TIPIN: variants seen among roughly 807,000 people sequenced by gnomAD.
The protein encoded by TIPIN is TIMELESS interacting protein.
A neutral mutation model predicts 35.6 loss-of-function variants in TIPIN; 29 were observed. The ratio of observed to expected loss-of-function variants is 0.82; its 90% confidence interval spans 0.61 to 1.11. TIPIN has a LOEUF of 1.11. Ranked by LOEUF, TIPIN falls within the 50% of genes most tolerant of loss-of-function variation. The pLI, the probability that TIPIN is intolerant of heterozygous loss-of-function variation, is 0.00. For missense variants in TIPIN, 296 were observed against 345.4 expected (o/e 0.86, Z 1.13); for synonymous variants, 102 against 121.5 (o/e 0.84, Z 1.06).
At chr15:66,346,966 T>A (rs962175246) in intron 6 of TIPIN, among the ~76,000 whole-genome samples, 1 of 152,000 alleles carries the variant, frequency 6.6e-6, no homozygotes, top group Non-Finnish European at 1.5e-5. Context: ...TAATTTTTTT[T>A]ATTATTTTTT....
chr15:66,381,253 T>C (rs2093317435), intron 1 of TIPIN, among the ~76,000 whole-genome samples: 1 of 152,118 alleles, frequency 6.6e-6, no homozygotes, highest in Non-Finnish European at 1.5e-5. Flanking sequence ...CTGCCCAACA[T>C]GGCGAAACCC....
intron 1 of TIPIN, among the ~76,000 whole-genome samples, chr15:66,366,593 T>C (rs1235128494): frequency 1.4e-5 from 1 of 71,986 alleles, no homozygotes; most frequent in Non-Finnish European, 2.9e-5. Context: ...CTCTACTAAA[T>C]ATACAAAAAA....
upstream of TIPIN, among the ~76,000 whole-genome samples, chr15:66,361,262 T>A (rs2093229808): frequency 6.6e-6 from 1 of 151,364 alleles, no homozygotes; most frequent in Non-Finnish European, 1.5e-5. Flanking sequence ...ATTGTAATTT[T>A]TTTTTTTTTT....
intron 1 of TIPIN, among the ~76,000 whole-genome samples, chr15:66,365,619 T>TCACTGCAACCTCTGC (rs2093250771): frequency 6.6e-6 from 1 of 152,218 alleles, no homozygotes; most frequent in Admixed American, 6.5e-5. Flanking sequence ...CGATCTCGGC[T>TCACTGCAACCTCTGC]CACTGCAACC....
rs148203211 is a variant in TIPIN, at chr15:66,337,847, T to A, written c.683-666A>T. On this transcript the variant is annotated intron_variant, in intron 7 of 7. Coordinates refer to ENST00000261881, the MANE Select transcript of TIPIN (RefSeq NM_017858.3). ...TCGTGCCACTGCACTCCAGCCTGGG[T>A]GACAAAGTGAGATCCTATAACCAAA... Among the ~76,000 whole-genome samples the A allele has an allele frequency of 4.5e-3, 658 of 145,928 alleles. 7 individuals are homozygous for A. Among genetic ancestry groups the A allele is most frequent in the African/African-American group, 0.016 (628 of 39,548 alleles).
chr15:66,383,091 CATA>C, intron 1 of TIPIN: 1 of 594,904 alleles, frequency 1.7e-6, no homozygotes, highest in Non-Finnish European at 2.1e-6. Flanking sequence ...TGCATAGAAT[CATA>C]ATATTTCAAT....
At chr15:66,380,315 C>A in intron 1 of TIPIN, among the ~76,000 whole-genome samples, 1 of 151,986 alleles carries the variant, frequency 6.6e-6, no homozygotes, top group South Asian at 2.1e-4. Flanking sequence ...CCTACACCTT[C>A]ATTTCTTTTT....
chr15:66,383,993 T>TTTAA (rs2093327373), intron 1 of TIPIN, among the ~76,000 whole-genome samples: 1 of 151,988 alleles, frequency 6.6e-6, no homozygotes, highest in Non-Finnish European at 1.5e-5. Flanking sequence ...TTTTTATTTA[T>TTTAA]TTAATTTATT....
chr15:66,344,986 AGT>A (rs1290375435), intron 6 of TIPIN, among the ~76,000 whole-genome samples: 1 of 152,284 alleles, frequency 6.6e-6, no homozygotes, highest in Non-Finnish European at 1.5e-5. Context: ...AGAAATATTC[AGT>A]GTGTTACAGG....
intron 1 of TIPIN, among the ~76,000 whole-genome samples, chr15:66,376,251 T>C (rs1453861108): frequency 6.6e-6 from 1 of 152,230 alleles, no homozygotes; most frequent in Non-Finnish European, 1.5e-5. Flanking sequence ...TTCTTTGGAA[T>C]GACCGTACTG....
rs773383040 is a variant in TIPIN, at chr15:66,352,822, A to G, written c.126T>C (p.Pro42=). ...PERQDGEGTE[P]DEESGNGAPV... is the part of the protein sequence containing the mutation. The stretch of plus-strand genomic sequence containing the variant: ...AAAACTCTCTATACATACCTTCATC[A>G]GGCTCAGTTCCTTCACCATCTTGTC... The change falls in exon 2 of 8, where the codon CCT becomes CCC. Residue 42 remains proline, a synonymous_variant. Coordinates refer to ENST00000261881, the MANE Select transcript of TIPIN (RefSeq NM_017858.3). 2.5e-6 allele frequency: 4 copies of G among 1,611,530 alleles called. No individual in the cohort carries two copies. Among genetic ancestry groups the G allele is most frequent in the Non-Finnish European group, 3.4e-6 (4 of 1,179,534 alleles).
At chr15:66,346,877 C>T (rs901569761) in intron 6 of TIPIN, among the ~76,000 whole-genome samples, 5 of 151,928 alleles carry the variant, frequency 3.3e-5, no homozygotes, top group Admixed American at 6.6e-5. Context: ...CTGCAAGCTC[C>T]ACCTCCTAGG....
upstream of TIPIN, among the ~76,000 whole-genome samples, chr15:66,357,587 T>C (rs4533224): frequency 0.97 from 94,585 of 97,692 alleles, 45,747 homozygotes; most frequent in East Asian, 0.98. Flanking sequence ...GACAGTGAGA[T>C]CTTGTCGCAA....
intron 6 of TIPIN, chr15:66,347,292 T>C (rs776666643): frequency 3.9e-6 from 2 of 517,348 alleles, no homozygotes; most frequent in African/African-American, 1.9e-5. Flanking sequence ...TGTGACTGTC[T>C]ATGGTTGCAC....
chr15:66,358,383 A>C (rs995337796), upstream of TIPIN, among the ~76,000 whole-genome samples: 3 of 152,116 alleles, frequency 2.0e-5, no homozygotes, highest in Non-Finnish European at 2.9e-5. Context: ...GAAGATAATT[A>C]GGGAATACTG....
chr15:66,356,529 A>C, intron 1 of TIPIN, 110 bp downstream of exon 1: 1 of 830,044 alleles, frequency 1.2e-6, no homozygotes, highest in Non-Finnish European at 1.5e-6. Context: ...TGCGACAATT[A>C]GGCTTTCCCG....
At chr15:66,346,652 C>T (rs1030628486) in intron 6 of TIPIN, among the ~76,000 whole-genome samples, 1 of 152,104 alleles carries the variant, frequency 6.6e-6, no homozygotes, top group African/African-American at 2.4e-5. Flanking sequence ...TATCACATAC[C>T]GGGCACCTCA....
chr15:66,362,885 G>A (rs2093237677), intron 1 of TIPIN, among the ~76,000 whole-genome samples: 1 of 152,184 alleles, frequency 6.6e-6, no homozygotes, highest in South Asian at 2.1e-4. Flanking sequence ...TGGGTTGCCA[G>A]TGATAGTGGT....
chr15:66,375,501 A>T (rs1384498684), intron 1 of TIPIN, among the ~76,000 whole-genome samples: 3 of 5,694 alleles, frequency 5.3e-4, no homozygotes, highest in Admixed American at 1.2e-3. Context: ...TGGAAAAGTT[A>T]TATATATATA....
Sources: gnomAD v4.1 joint callset for allele counts (sites outside exome capture counted in the v4.1 genomes callset) on GRCh38, gnomAD v4.1.1 for gene constraint, MANE v1.5 for transcripts, NCBI Gene and HGNC (gene_info 2026-07-23, HGNC 2026-07-21) for gene names.